The following ABI3BP variants were observed in gnomAD, a reference collection of about 807,000 sequenced individuals.
ABI3BP encodes the protein target of Nesh-SH3.
A neutral mutation model predicts 268.6 loss-of-function variants in ABI3BP; 216 were observed. The observed-to-expected ratio is 0.80, with a 90% confidence interval of 0.72 to 0.90. The LOEUF (loss-of-function observed/expected upper bound fraction) is 0.90, where lower values mean the gene tolerates loss of function less well. ABI3BP is among the 40% of genes least tolerant of loss of function. The pLI is 0.00. For synonymous variants in ABI3BP, 730 were observed against 730.0 expected (o/e 1.00, Z 0.00); for missense variants, 2,090 against 2,182.4 (o/e 0.96, Z 0.84).
chr3:100,768,023 C>T (rs1208449479), intron 62 of ABI3BP, among the ~76,000 whole-genome samples: 1 of 151,924 alleles, frequency 6.6e-6, no homozygotes, highest in Non-Finnish European at 1.5e-5. Context: ...TAATATTAAA[C>T]CTGCCTTTTA....
At chr3:100,940,486 C>G (rs2068472309) in intron 1 of ABI3BP, among the ~76,000 whole-genome samples, 1 of 151,754 alleles carries the variant, frequency 6.6e-6, no homozygotes, top group Non-Finnish European at 1.5e-5. Context: ...TTATTTGTGA[C>G]TATATACATT....
intron 1 of ABI3BP, among the ~76,000 whole-genome samples, chr3:100,965,073 T>G (rs1475739400): frequency 6.6e-6 from 1 of 152,238 alleles, no homozygotes; most frequent in Non-Finnish European, 1.5e-5. Flanking sequence ...GAGATAACTT[T>G]GGAGTGGAGC....
At chr3:100,940,468 A>G (rs1464999837) in intron 1 of ABI3BP, among the ~76,000 whole-genome samples, 1 of 151,796 alleles carries the variant, frequency 6.6e-6, no homozygotes, top group African/African-American at 2.4e-5. Context: ...CACCATTCAA[A>G]CCATCTTTTA....
intron 62 of ABI3BP, among the ~76,000 whole-genome samples, chr3:100,768,167 C>T (rs1358475289): frequency 6.8e-6 from 1 of 146,186 alleles, no homozygotes; most frequent in Non-Finnish European, 1.5e-5. Flanking sequence ...CGGCTCACTG[C>T]AAGCTCCGCC....
chr3:100,986,926 T>C (rs2091929980), intron 1 of ABI3BP, among the ~76,000 whole-genome samples: 1 of 152,210 alleles, frequency 6.6e-6, no homozygotes, highest in African/African-American at 2.4e-5. Context: ...TTCTATATTA[T>C]GTTTAGCATG....
chr3:100,846,009 A>G (rs1168834955), intron 20 of ABI3BP, among the ~76,000 whole-genome samples: 1 of 152,148 alleles, frequency 6.6e-6, no homozygotes, highest in Non-Finnish European at 1.5e-5. Flanking sequence ...AATAATGCAG[A>G]GTTCTTAGAA....
chr3:100,780,496 C>G (rs1185505547), intron 57 of ABI3BP, among the ~76,000 whole-genome samples: 1 of 152,014 alleles, frequency 6.6e-6, no homozygotes, highest in Non-Finnish European at 1.5e-5. Context: ...GTGGTATTGC[C>G]TCACCAGGTG....
At chr3:100,957,775 G>A (rs749905701) in intron 1 of ABI3BP, among the ~76,000 whole-genome samples, 30 of 152,198 alleles carry the variant, frequency 2.0e-4, no homozygotes, top group Non-Finnish European at 3.2e-4. Flanking sequence ...CCCTGGTTCC[G>A]CCTGCTCACA....
chr3:100,840,089 A>G lies in ABI3BP; in HGVS notation c.1880T>C (p.Val627Ala). ...PRPKTTPSPE[V>A]PKSKPALEPA... is the part of the protein sequence containing the mutation. ...ACATTTACCGGGTTTGGACTTGGGC[A>G]CTTCTGGACTAGGTGTGGTTTTAGG... Residue 627 changes from valine (V) to alanine (A), a missense_variant, in exon 23 of 68, where the codon GTG (valine) becomes GCG (alanine). By Grantham distance (64) the Val-to-Ala change is moderately conservative. Coordinates refer to ENST00000471714, the MANE Select transcript of ABI3BP (RefSeq NM_001375547.2). 8.4e-7 allele frequency: 1 copy of G among 1,188,396 alleles called. No individual in the cohort carries two copies. Among genetic ancestry groups the G allele is most frequent in the Non-Finnish European group, 1.1e-6 (1 of 890,300 alleles). The allele number at this position is 1,188,396 out of a possible 1,614,324, so 73.6% of individuals were successfully genotyped here. A position where few individuals can be genotyped will look rare whatever the true frequency, so the allele number is the denominator to read the frequency against.
intron 2 of ABI3BP, among the ~76,000 whole-genome samples, chr3:100,923,597 A>G (rs2060927928): frequency 6.6e-6 from 1 of 152,242 alleles, no homozygotes; most frequent in South Asian, 2.1e-4. Flanking sequence ...ATCTTTGGAA[A>G]TAATCAGAGC....
rs898459820 is a variant in ABI3BP, at chr3:100,873,372, C to T, written c.910+1469G>A. Among the ~76,000 whole-genome samples the T allele has an allele frequency of 3.3e-5, 5 of 152,194 alleles. No individual in the cohort carries two copies. The East Asian group carries it at 7.7e-4, about 24-fold the overall frequency. On this transcript the variant is annotated intron_variant, in intron 9 of 67. Transcript: ENST00000471714. ...ATTGGAAACAAGAAAAAGACATCAA[C>T]ATTTGGTACCTCATTAGATTTGATG...
In ABI3BP at chr3:100,809,023, T is replaced by G. The variant is rs1173484851; in HGVS notation, c.3608-788A>C. Among the ~76,000 whole-genome samples, 5 of 152,090 alleles carry G rather than the reference T, an allele frequency of 3.3e-5. No homozygotes were observed. In the East Asian group the frequency reaches 9.7e-4, roughly 29 times the overall value. ...CACCTTAAGAAAAACTTGCTGAAAATAAGAGTTATTTGACACCAGAAGTTT... is the reference window on the plus strand; with the variant it reads ...CACCTTAAGAAAAACTTGCTGAAAAGAAGAGTTATTTGACACCAGAAGTTT... On this transcript the variant is annotated intron_variant, in intron 49 of 67. Transcript: ENST00000471714.
At chr3:100,906,248 G>A (rs2053400737) in intron 2 of ABI3BP, among the ~76,000 whole-genome samples, 4 of 152,154 alleles carry the variant, frequency 2.6e-5, no homozygotes. Flanking sequence ...CAAGACATAT[G>A]GTTATATGAG....
intron 13 of ABI3BP, 128 bp from the exon 14 acceptor site, chr3:100,862,513 G>A (rs2099009364): frequency 3.1e-6 from 2 of 635,326 alleles, no homozygotes; most frequent in South Asian, 2.1e-5. Flanking sequence ...ACAATAAAAA[G>A]TCATTATATA....
At chr3:100,817,888 C>CA (rs2098106267) in intron 41 of ABI3BP, among the ~76,000 whole-genome samples, 1 of 152,058 alleles carries the variant, frequency 6.6e-6, no homozygotes, top group Non-Finnish European at 1.5e-5. Flanking sequence ...ACTATGGATA[C>CA]AATAAAGAGT....
At chr3:100,960,887 C>T (rs2078860032) in intron 1 of ABI3BP, among the ~76,000 whole-genome samples, 1 of 152,140 alleles carries the variant, frequency 6.6e-6, no homozygotes, top group Non-Finnish European at 1.5e-5. Context: ...CTCACAACAC[C>T]CCACCCTCCA....
intron 1 of ABI3BP, among the ~76,000 whole-genome samples, chr3:100,990,435 T>C (rs929689103): frequency 2.6e-5 from 4 of 152,074 alleles, no homozygotes; most frequent in African/African-American, 7.2e-5. Flanking sequence ...GCTCCATTAA[T>C]AGTCTCCAAG....
chr3:100,837,140 A>C lies in ABI3BP; in HGVS notation c.2115T>G (p.Ala705=). 6.5e-7 allele frequency: 1 copy of C among 1,534,964 alleles called. No homozygotes were observed. The highest frequency in any genetic ancestry group is 1.4e-5 in the African/African-American group (1 of 73,084). The change falls in exon 27 of 68, where the codon GCT becomes GCG. Residue 705 remains alanine, a synonymous_variant. Coordinates refer to ENST00000471714, the MANE Select transcript of ABI3BP (RefSeq NM_001375547.2). ...CATCATTACCTATGGTCATTGAGGGAGCTTCAGTTTCAAATGGAACAGGCT... is the reference window on the plus strand; with the variant it reads ...CATCATTACCTATGGTCATTGAGGGCGCTTCAGTTTCAAATGGAACAGGCT... ...VSEPVPFETE[A]PSMTIVPTTD...
chr3:100,757,385 A>C (rs530810545), intron 63 of ABI3BP, among the ~76,000 whole-genome samples: 1 of 152,346 alleles, frequency 6.6e-6, no homozygotes, highest in South Asian at 2.1e-4. Context: ...ACAAGTCCTC[A>C]AAACTGAGAA....
Sources: gnomAD v4.1 joint callset for allele counts (sites outside exome capture counted in the v4.1 genomes callset) on GRCh38, gnomAD v4.1.1 for gene constraint, MANE v1.5 for transcripts, NCBI Gene and HGNC (gene_info 2026-07-23, HGNC 2026-07-21) for gene names.